Variants in RGS20 observed in about 807,000 individuals in gnomAD.
RGS20 encodes gz-selective GTPase-activating protein.
In RGS20, 30 loss-of-function variants were observed where a neutral mutation model predicts 33.6. The observed-to-expected ratio is 0.89, with a 90% CI of 0.67 to 1.21. RGS20 has a LOEUF of 1.21. RGS20 is among the 50% of genes most tolerant of loss of function. The pLI is 0.00. For synonymous variants in RGS20, 208 were observed against 197.9 expected (o/e 1.05, Z -0.43); for missense variants, 472 against 502.4 (o/e 0.94, Z 0.58).
At chr8:53,890,775 A>C (rs893103713) in intron 2 of RGS20, among the ~76,000 whole-genome samples, 12 of 152,232 alleles carry the variant, frequency 7.9e-5, no homozygotes, top group African/African-American at 2.4e-4. Flanking sequence ...GATTACAGGC[A>C]CTTGCCAATT....
At chr8:53,891,344 CGCAGTG>C (rs1324244179) in intron 2 of RGS20, among the ~76,000 whole-genome samples, 5 of 152,126 alleles carry the variant, frequency 3.3e-5, no homozygotes. Flanking sequence ...TTGGGCCAGG[CGCAGTG>C]GCTCATGCCT....
chr8:53,958,516 T>A lies in RGS20; in HGVS notation c.*58T>A. ...AATAAAAGAATTCATGGGCTACAACTAGCACAGGGAATTTAGAGGTTGTAG... is the reference window on the plus strand; with the variant it reads ...AATAAAAGAATTCATGGGCTACAACAAGCACAGGGAATTTAGAGGTTGTAG... On this transcript the variant is annotated 3_prime_UTR_variant, in exon 6 of 6. Transcript: ENST00000297313. 2 of 951,776 alleles carry A rather than the reference T, an allele frequency of 2.1e-6. No individual in the cohort carries two copies. Among genetic ancestry groups the A allele is most frequent in the South Asian group, 3.8e-5 (1 of 26,296 alleles). The allele number at this position is 951,776 out of a possible 1,614,324, so 59.0% of individuals were successfully genotyped here. A position where few individuals can be genotyped will look rare whatever the true frequency, so the allele number is the denominator to read the frequency against.
chr8:53,870,262 T>C (rs772628240), intron 1 of RGS20, among the ~76,000 whole-genome samples: 1 of 149,972 alleles, frequency 6.7e-6, no homozygotes, highest in Admixed American at 6.7e-5. Context: ...GATATGTGTG[T>C]ACACACACAC....
At chr8:53,861,641 G>C (rs767926983) in intron 1 of RGS20, among the ~76,000 whole-genome samples, 9 of 152,124 alleles carry the variant, frequency 5.9e-5, no homozygotes, top group Admixed American at 2.6e-4. Context: ...TGTTCTGAAG[G>C]ATATATTTTT....
intron 2 of RGS20, among the ~76,000 whole-genome samples, chr8:53,915,959 C>A (rs1813472457): frequency 6.6e-6 from 1 of 152,128 alleles, no homozygotes; most frequent in African/African-American, 2.4e-5. Flanking sequence ...CATACTTCCC[C>A]TTGGGGTCTA....
At chr8:53,903,019 G>A (rs1813074411) in intron 2 of RGS20, among the ~76,000 whole-genome samples, 2 of 152,230 alleles carry the variant, frequency 1.3e-5, no homozygotes, top group African/African-American at 2.4e-5. Context: ...AGCCACCCGT[G>A]CCCAGCCCAA....
chr8:53,924,597 A>G (rs1339320141), intron 2 of RGS20, among the ~76,000 whole-genome samples: 1 of 152,140 alleles, frequency 6.6e-6, no homozygotes, highest in East Asian at 1.9e-4. Flanking sequence ...GCACTGGGAT[A>G]ACAGGCATGA....
At chr8:53,884,560 C>T (rs764879984) in intron 2 of RGS20, among the ~76,000 whole-genome samples, 3 of 152,126 alleles carry the variant, frequency 2.0e-5, no homozygotes, top group Admixed American at 6.5e-5. Flanking sequence ...CTACCTCCTT[C>T]GTTTTACAGA....
chr8:53,901,352 A>G (rs1173839868), intron 2 of RGS20, among the ~76,000 whole-genome samples: 1 of 152,048 alleles, frequency 6.6e-6, no homozygotes, highest in African/African-American at 2.4e-5. Context: ...ACAGGCGTGA[A>G]CCACCGCGCC....
In RGS20 at chr8:53,877,644, C is replaced by A. The variant is rs1812238928; in HGVS notation, c.166-1614C>A. 6.6e-6 allele frequency among the ~76,000 whole-genome samples: 1 copy of A among 152,158 alleles called. No homozygotes were observed. The highest frequency in any genetic ancestry group is 2.4e-5 in the African/African-American group (1 of 41,446). ...AAAATAAAAGCACCTTGCCAGAGAG[C>A]GGGGGAGGGGAGCAGCTGAACGAGG... On this transcript the variant is annotated intron_variant, in intron 1 of 5. Coordinates refer to ENST00000297313, the MANE Select transcript of RGS20 (RefSeq NM_170587.4). The surrounding 1 kb of genome is among the most constrained non-coding windows in gnomAD (Gnocchi z 5.7).
intron 2 of RGS20, among the ~76,000 whole-genome samples, chr8:53,929,806 CAGAT>C (rs1425666906): frequency 6.6e-6 from 1 of 152,146 alleles, no homozygotes; most frequent in Admixed American, 6.5e-5. Context: ...CATTTACAAA[CAGAT>C]AGGTGTGTAT....
At chr8:53,869,747 C>T (rs539017471) in intron 1 of RGS20, among the ~76,000 whole-genome samples, 3 of 152,182 alleles carry the variant, frequency 2.0e-5, no homozygotes, top group South Asian at 2.1e-4. Context: ...TTGTCAGGAC[C>T]GGTAGGCTAC....
intron 2 of RGS20, among the ~76,000 whole-genome samples, chr8:53,893,739 A>C (rs1812779260): frequency 6.6e-6 from 1 of 152,244 alleles, no homozygotes; most frequent in Admixed American, 6.5e-5. Flanking sequence ...CTGGTTAGGC[A>C]GTGCTGTTCT....
intron 4 of RGS20, among the ~76,000 whole-genome samples, chr8:53,950,324 T>C (rs1239333717): frequency 2.6e-5 from 4 of 152,152 alleles, no homozygotes; most frequent in Non-Finnish European, 5.9e-5. Flanking sequence ...AACAAGGAGA[T>C]TGAAATACAG....
At chr8:53,869,907 T>C (rs964296051) in intron 1 of RGS20, among the ~76,000 whole-genome samples, 1 of 152,000 alleles carries the variant, frequency 6.6e-6, no homozygotes, top group Admixed American at 6.6e-5. Context: ...AGTGGAGGGT[T>C]CTCCTTTGCA....
intron 2 of RGS20, among the ~76,000 whole-genome samples, chr8:53,889,408 CTCTCTTTTTTTTTTTTTTTTTTTT>C (rs1812640892): frequency 3.4e-5 from 3 of 88,200 alleles, no homozygotes. Context: ...TTCTCTCTCT[CTCTCTTTTTTTTTTTTTTTTTTTT>C]TTTTTTTTTT....
intron 2 of RGS20, among the ~76,000 whole-genome samples, chr8:53,932,905 G>T (rs1353060029): frequency 6.6e-6 from 1 of 152,190 alleles, no homozygotes; most frequent in Non-Finnish European, 1.5e-5. Flanking sequence ...GCCCCTCTGG[G>T]ATGAAGCTTC....
At chr8:53,938,647 G>C (rs1001033378) in intron 2 of RGS20, among the ~76,000 whole-genome samples, 5 of 152,288 alleles carry the variant, frequency 3.3e-5, no homozygotes, top group Non-Finnish European at 7.4e-5. Flanking sequence ...TAGAATAATA[G>C]ATCCAGAAAT....
chr8:53,861,969 G>T (rs761945964), intron 1 of RGS20, among the ~76,000 whole-genome samples: 71 of 152,108 alleles, frequency 4.7e-4, no homozygotes, highest in African/African-American at 1.7e-3. Flanking sequence ...CCAAGCTTTG[G>T]GGGGGCCAAC....
Sources: gnomAD v4.1 joint callset for allele counts (sites outside exome capture counted in the v4.1 genomes callset) on GRCh38, gnomAD v4.1.1 for gene constraint, Gnocchi (gnomAD v3.1) non-coding constraint, MANE v1.5 for transcripts, NCBI Gene and HGNC (gene_info 2026-07-23, HGNC 2026-07-21) for gene names.